The following NME8 variants were observed in gnomAD, a reference collection of about 807,000 sequenced individuals.
The protein encoded by NME8 is protein NME8.
NME8 carries 72 observed loss-of-function variants against 82.3 expected under a neutral mutation model. That is an observed-to-expected ratio of 0.87 (90% CI 0.72 to 1.06). NME8 has a LOEUF of 1.06. Ranked by LOEUF, NME8 falls within the 50% of genes least tolerant of loss-of-function variation. NME8 has a pLI of 0.00. For missense variants in NME8, 712 were observed against 685.4 expected, an observed-to-expected ratio of 1.04 and a Z score of -0.43; for synonymous variants, 267 against 228.5, an observed-to-expected ratio of 1.17 and a Z score of -1.52.
chr7:37,883,760 G>A (rs748892351), intron 12 of NME8, among the ~76,000 whole-genome samples: 18 of 152,196 alleles, frequency 1.2e-4, no homozygotes, highest in Non-Finnish European at 2.6e-4. Flanking sequence ...TTTCTGTAAG[G>A]AAGGATGGAG....
At chr7:37,864,048 G>A (rs972165867) in intron 8 of NME8, among the ~76,000 whole-genome samples, 1 of 152,218 alleles carries the variant, frequency 6.6e-6, no homozygotes, top group African/African-American at 2.4e-5. Flanking sequence ...GATGGATCCT[G>A]TGTGTGATTC....
intron 15 of NME8, among the ~76,000 whole-genome samples, chr7:37,893,686 G>A (rs1238999853): frequency 6.6e-6 from 1 of 152,068 alleles, no homozygotes; most frequent in Non-Finnish European, 1.5e-5. Context: ...TGTGGTTCTG[G>A]GGACCTTATA....
At chr7:37,865,434 G>C (rs1160375660) in intron 9 of NME8, 91 bp from the exon 10 acceptor site, 6 of 822,920 alleles carry the variant, frequency 7.3e-6, no homozygotes, top group African/African-American at 3.4e-5. Flanking sequence ...TGTATTGAAA[G>C]CTGGTGGTTT....
Position 37,875,428 on chromosome 7 carries a change from C to T in NME8, c.819-1404C>T, listed in dbSNP as rs1784832850. Reference sequence around the variant, plus strand: ...CACACACACACACACACCCACACAGCCCCCCATAGCCCCCACACACATTGG... The same window carrying T: ...CACACACACACACACACCCACACAGTCCCCCATAGCCCCCACACACATTGG... On this transcript the variant is annotated intron_variant, in intron 11 of 17. Transcript: ENST00000199447. 2.0e-5 allele frequency among the ~76,000 whole-genome samples: 3 copies of T among 151,108 alleles called. No individual in the cohort carries two copies. The South Asian group carries it at 6.3e-4, about 32-fold the overall frequency.
chr7:37,854,063 T>TA (rs1784475507), intron 5 of NME8, among the ~76,000 whole-genome samples: 1 of 135,768 alleles, frequency 7.4e-6, no homozygotes, highest in Non-Finnish European at 1.6e-5. Flanking sequence ...CCCCACGTAG[T>TA]AAAAAATTCA....
At chr7:37,895,468 A>G (rs1412089468) in intron 16 of NME8, among the ~76,000 whole-genome samples, 1 of 152,178 alleles carries the variant, frequency 6.6e-6, no homozygotes, top group Non-Finnish European at 1.5e-5. Context: ...CGCAGTCACA[A>G]AACTAGTGTT....
intron 17 of NME8, among the ~76,000 whole-genome samples, chr7:37,899,246 G>T (rs1053090049): frequency 6.6e-6 from 1 of 152,140 alleles, no homozygotes; most frequent in Admixed American, 6.6e-5. Flanking sequence ...ATTCATGGCA[G>T]AACTATTTAC....
At chr7:37,873,793 C>T (rs1310422057) in intron 11 of NME8, among the ~76,000 whole-genome samples, 3 of 152,298 alleles carry the variant, frequency 2.0e-5, no homozygotes, top group South Asian at 4.1e-4. Flanking sequence ...AGTACATAGG[C>T]GCATTATCAC....
Position 37,850,505 on chromosome 7 carries a change from CT to C in NME8, c.91+71del, listed in dbSNP as rs1249567108. 10 of 1,574,330 alleles carry C rather than the reference CT, an allele frequency of 6.4e-6. No individual in the cohort carries two copies. The East Asian group carries it at 2.2e-4, about 35-fold the overall frequency. On this transcript the variant is annotated intron_variant, in intron 4 of 17. Transcript: ENST00000199447. Reference sequence around the variant, plus strand: ...GAGCTCCTCCTGGCACCCTGTCCCTCTAGAGTCCCCACTTTGACCAAGAAAT... The same window carrying C: ...GAGCTCCTCCTGGCACCCTGTCCCTCAGAGTCCCCACTTTGACCAAGAAAT...
Position 37,894,601 on chromosome 7 carries a change from T to A in NME8, c.1535T>A (p.Met512Lys), listed in dbSNP as rs373473524. ...GACTTTTATAAAGATTTATTGGAAA[T>A]GTTATCTGTGTAAGTTTCTGATACA... The part of the protein sequence containing the change: ...GKDFYKDLLE[M>K]LSVGPSMVMI... Residue 512 changes from methionine to lysine, a missense_variant, in exon 16 of 18, where the codon ATG becomes AAG. Met to Lys is a moderately conservative substitution (Grantham distance 95, BLOSUM62 -1). Transcript: ENST00000199447. The A allele has an allele frequency of 7.6e-6, 12 of 1,584,314 alleles. No homozygotes were observed. The highest frequency in any genetic ancestry group is 8.7e-6 in the Non-Finnish European group (10 of 1,153,986).
chr7:37,861,213 G>T (rs913202768), intron 6 of NME8, among the ~76,000 whole-genome samples: 1 of 152,138 alleles, frequency 6.6e-6, no homozygotes, highest in East Asian at 1.9e-4. Context: ...ACCAGGCTGC[G>T]CACAGTTTGG....
chr7:37,882,613 G>GAGAGAGAGAGAAAGAA (rs1273553790), intron 12 of NME8, among the ~76,000 whole-genome samples: 26 of 85,098 alleles, frequency 3.1e-4, no homozygotes, highest in East Asian at 2.0e-3. Flanking sequence ...GAGAGAGAGA[G>GAGAGAGAGAGAAAGAA]AGAAAGAAAG....
chr7:37,899,552 A>T (rs1785282545), intron 17 of NME8, among the ~76,000 whole-genome samples: 1 of 152,116 alleles, frequency 6.6e-6, no homozygotes. Context: ...GGAGAGCATC[A>T]GGAAGAATAG....
chr7:37,897,049 A>G lies in NME8; in HGVS notation c.1724A>G (p.Lys575Arg), dbSNP rs1245499111. ...GGAGCATCTAACGCCTATGAAGCAA[A>G]AGAGGTTGTTAATAGACTCTTTGAG... ...VHGASNAYEA[K>R]EVVNRLFEDP... is the part of the protein sequence containing the mutation. The change falls in exon 17 of 18, where the codon AAA becomes AGA. Residue 575 changes from lysine to arginine, a missense_variant. Lys to Arg is a conservative substitution (Grantham distance 26). Coordinates refer to ENST00000199447, the MANE Select transcript of NME8 (RefSeq NM_016616.5). 1 of 1,613,806 alleles carries G rather than the reference A, an allele frequency of 6.2e-7. No individual in the cohort carries two copies. Among genetic ancestry groups the G allele is most frequent in the African/African-American group, 1.3e-5 (1 of 74,908 alleles).
At chr7:37,865,947 G>A (rs1784669867) in intron 10 of NME8, among the ~76,000 whole-genome samples, 1 of 152,000 alleles carries the variant, frequency 6.6e-6, no homozygotes, top group Non-Finnish European at 1.5e-5. Context: ...TTTATTCTGG[G>A]TTGAAGGCTC....
At chr7:37,877,329 GACTT>G (rs1554364855) in intron 12 of NME8, among the ~76,000 whole-genome samples, 2 of 152,092 alleles carry the variant, frequency 1.3e-5, no homozygotes, top group Non-Finnish European at 2.9e-5. Flanking sequence ...CTGATAGTGT[GACTT>G]GAACAAGATA....
intron 11 of NME8, among the ~76,000 whole-genome samples, chr7:37,872,922 C>T (rs1202902739): frequency 6.6e-6 from 1 of 152,208 alleles, no homozygotes; most frequent in African/African-American, 2.4e-5. Context: ...GGAAGAAACA[C>T]TGCACACTGT....
chr7:37,887,046 G>A (rs977307196), intron 14 of NME8, among the ~76,000 whole-genome samples: 1 of 151,994 alleles, frequency 6.6e-6, no homozygotes, highest in Non-Finnish European at 1.5e-5. Context: ...GATTGCCCTG[G>A]ACTGTTTAAA....
chr7:37,886,656 A>G (rs970707741), intron 14 of NME8, among the ~76,000 whole-genome samples: 1 of 152,098 alleles, frequency 6.6e-6, no homozygotes, highest in Non-Finnish European at 1.5e-5. Flanking sequence ...TCCAATAATC[A>G]TGTTTAACAG....
Sources: gnomAD v4.1 joint callset for allele counts (sites outside exome capture counted in the v4.1 genomes callset) on GRCh38, gnomAD v4.1.1 for gene constraint, MANE v1.5 for transcripts, NCBI Gene and HGNC (gene_info 2026-07-23, HGNC 2026-07-21) for gene names.